The following SDF2L1 variants were observed in gnomAD, a reference collection of about 807,000 sequenced individuals.
SDF2L1 encodes stromal cell-derived factor 2-like protein 1.
Under a neutral mutation model 19.4 loss-of-function variants are expected in SDF2L1, and 18 were observed. The observed-to-expected ratio is 0.93, with a 90% CI of 0.64 to 1.38. SDF2L1 has a LOEUF of 1.38. SDF2L1 is among the 40% of genes most tolerant of loss of function. The pLI, the probability that SDF2L1 is intolerant of heterozygous loss-of-function variation, is 0.00. For missense variants in SDF2L1, 263 were observed against 319.4 expected, an observed-to-expected ratio of 0.82 and a Z score of 1.35; for synonymous variants, 161 against 148.9, an observed-to-expected ratio of 1.08 and a Z score of -0.59.
Position 21,642,974 on chromosome 22 carries a change from C to G in SDF2L1, c.300C>G (p.Cys100Trp). ...GCCCGCGCGGGTCCCCGGTGCGCTG[C>G]GGGCAGGCGGTGAGGCTCACGCATG... ...GGCPRGSPVR[C>W]GQAVRLTHVL... Residue 100 changes from cysteine (C) to tryptophan (W), a missense_variant, in exon 2 of 3, where the codon TGC becomes TGG. Physicochemically the swap from Cys to Trp is radical, Grantham distance 215. Transcript: ENST00000248958. 1 of 1,568,456 alleles carries G rather than the reference C, an allele frequency of 6.4e-7. No individual in the cohort carries two copies. Among genetic ancestry groups the G allele is most frequent in the Non-Finnish European group, 8.6e-7 (1 of 1,158,214 alleles).
Position 21,643,914 on chromosome 22 carries a change from AGACGGCGAGGGC to A in SDF2L1, c.410_421del (p.Gly137_Asp140del). On this transcript the variant is annotated inframe_deletion, in exon 3 of 3. Transcript: ENST00000248958. ...TATAGGAGGTGAGTGCCTTTGGGGAAGACGGCGAGGGCGACGACCTGGACCTATGGACAGTGC... is the reference window on the plus strand; with the variant it reads ...TATAGGAGGTGAGTGCCTTTGGGGAAGACGACCTGGACCTATGGACAGTGC... The A allele has an allele frequency of 1.9e-6, 3 of 1,613,264 alleles. No individual in the cohort carries two copies. Among genetic ancestry groups the A allele is most frequent in the Non-Finnish European group, 2.5e-6 (3 of 1,179,536 alleles).
chr22:21,644,032 G>T lies in SDF2L1; in HGVS notation c.523G>T (p.Gly175Cys). Residue 175 changes from glycine to cysteine, a missense_variant, in exon 3 of 3, where the codon GGT becomes TGT. Transcript: ENST00000248958. ...CACCTCTGTGTTCCTGTCAGTCACGGGTGAGCAGTATGGAAGCCCCATCCG... is the reference window on the plus strand; with the variant it reads ...CACCTCTGTGTTCCTGTCAGTCACGTGTGAGCAGTATGGAAGCCCCATCCG... Reference protein sequence around the residue: ...VGTSVFLSVTGEQYGSPIRGQ... With the variant: ...VGTSVFLSVTCEQYGSPIRGQ... The T allele has an allele frequency of 6.2e-7, 1 of 1,614,184 alleles. No homozygotes were observed. The highest frequency in any genetic ancestry group is 8.5e-7 in the Non-Finnish European group (1 of 1,180,034).
At position 21,642,304 on chromosome 22, in the gene SDF2L1, C is replaced by T. The variant is rs777474269; in HGVS notation, c.-33C>T. 341 of 1,308,646 alleles carry T rather than the reference C, an allele frequency of 2.6e-4. No individual in the cohort carries two copies. The highest frequency in any genetic ancestry group is 3.8e-4 in the Admixed American group (9 of 23,716). The allele number at this position is 1,308,646 out of a possible 1,614,324, so 81.1% of individuals were successfully genotyped here. ...GCCGCGGCGGGGACGGAAGCGGCCC[C>T]TGGGCCCGAGGGGCTGGAGCCGGGC... is the stretch of plus-strand genomic sequence containing the variant. On this transcript the variant is annotated 5_prime_UTR_variant, in exon 1 of 3. Coordinates refer to ENST00000248958, the MANE Select transcript of SDF2L1 (RefSeq NM_022044.3).
chr22:21,642,432 T>G lies in SDF2L1; in HGVS notation c.96T>G (p.Gly32=). The change falls in exon 1 of 3, where the codon GGT becomes GGG. Residue 32 remains glycine, a synonymous_variant. Transcript: ENST00000248958. ...CGGGCGGTGGTGCCGCCAAGACCGG[T>G]GCGGAGCTCGTGACCTGCGGGTCGG... The part of the protein sequence containing the change: ...LVPGGGAAKT[G]AELVTCGSVL... 6 of 1,474,734 alleles carry G rather than the reference T, an allele frequency of 4.1e-6. No homozygotes were observed. Among genetic ancestry groups the G allele is most frequent in the Non-Finnish European group, 5.3e-6 (6 of 1,122,204 alleles). 91.4% of individuals were successfully genotyped at this position (1,474,734 alleles called of 1,614,324 possible).
At position 21,642,974 on chromosome 22, in the gene SDF2L1, CGG is replaced by C; in HGVS notation, c.302_303del (p.Gly101AlafsTer56). 6.4e-7 allele frequency: 1 copy of C among 1,568,456 alleles called. No individual in the cohort carries two copies. The highest frequency in any genetic ancestry group is 8.6e-7 in the Non-Finnish European group (1 of 1,158,214). The stretch of plus-strand genomic sequence containing the variant: ...GCCCGCGCGGGTCCCCGGTGCGCTG[CGG>C]GCAGGCGGTGAGGCTCACGCATGTG... Reference protein sequence around the residue: ...GCPRGSPVRCGQAVRLTHVLT... With the variant: ...GCPRGSPVRCXQAVRLTHVLT... On this transcript the variant is annotated frameshift_variant, in exon 2 of 3. Transcript: ENST00000248958. LOFTEE classifies it high-confidence loss of function.
At chr22:21,643,790 G>A (rs2066099713) in intron 2 of SDF2L1, 104 bp from the exon 3 acceptor site, 3 of 1,218,550 alleles carry the variant, frequency 2.5e-6, no homozygotes. Context: ...AGCTGTGGGA[G>A]CTGAGGCTCC....
intron 2 of SDF2L1, chr22:21,643,288 G>T: frequency 1.7e-6 from 1 of 596,614 alleles, no homozygotes; most frequent in Non-Finnish European, 2.9e-6. Flanking sequence ...GGAGAGATAC[G>T]CCTGGATAGC....
Position 21,643,975 on chromosome 22 carries a change from C to A in SDF2L1, c.466C>A (p.Arg156Ser), listed in dbSNP as rs770913117. 2.5e-6 allele frequency: 4 copies of A among 1,614,116 alleles called. No homozygotes were observed. In the Admixed American group the frequency reaches 6.7e-5, roughly 27 times the overall value. The stretch of plus-strand genomic sequence containing the variant: ...GCGCTGCTCTGGACAGCACTGGGAG[C>A]GTGAGGCTGCTGTGCGCTTCCAGCA... ...TVRCSGQHWE[R>S]EAAVRFQHVG... Residue 156 changes from arginine to serine, a missense_variant, in exon 3 of 3, where the codon CGT becomes AGT. Arg to Ser is a moderately radical substitution (Grantham distance 110). Coordinates refer to ENST00000248958, the MANE Select transcript of SDF2L1 (RefSeq NM_022044.3).
At chr22:21,642,823 T>C (rs1452778264) in intron 1 of SDF2L1, 39 bp from the exon 2 acceptor site, 16 of 1,562,116 alleles carry the variant, frequency 1.0e-5, no homozygotes, top group Non-Finnish European at 1.2e-5. Context: ...GGTTCCGCGA[T>C]TGACGGAGAC....
intron 1 of SDF2L1, 70 bp downstream of exon 1, chr22:21,642,593 G>C: frequency 6.8e-7 from 1 of 1,476,644 alleles, no homozygotes; most frequent in Non-Finnish European, 9.0e-7. Flanking sequence ...GAGACAGGGT[G>C]GTCATGGGGG....
Position 21,642,929 on chromosome 22 carries a change from C to T in SDF2L1, c.255C>T (p.Arg85=). The change falls in exon 2 of 3, where the codon CGC becomes CGT. Residue 85 remains arginine (R), a synonymous_variant. Transcript: ENST00000248958. ...SDDANSYWRI[R]GGSEGGCPRG... Reference sequence around the variant, plus strand: ...ACGCCAATAGCTACTGGCGGATCCGCGGCGGCTCGGAGGGCGGGTGCCCGC... The same window carrying T: ...ACGCCAATAGCTACTGGCGGATCCGTGGCGGCTCGGAGGGCGGGTGCCCGC... The T allele has an allele frequency of 6.3e-7, 1 of 1,582,624 alleles. No homozygotes were observed. The highest frequency in any genetic ancestry group is 8.6e-7 in the Non-Finnish European group (1 of 1,166,398).
intron 2 of SDF2L1, 110 bp downstream of exon 2, chr22:21,643,168 A>C: frequency 7.5e-7 from 1 of 1,336,046 alleles, no homozygotes; most frequent in East Asian, 2.5e-5. Flanking sequence ...TGGAAATTTC[A>C]CTTCAGAGAT....
Position 21,644,106 on chromosome 22 carries a change from GTGGAAGGCCA to G in SDF2L1, c.606_615del (p.Met203SerfsTer51), listed in dbSNP as rs776963733. The G allele has an allele frequency of 1.9e-6, 3 of 1,614,170 alleles. No homozygotes were observed. In the African/African-American group the frequency reaches 4.0e-5, roughly 22 times the overall value. On this transcript the variant is annotated frameshift_variant, in exon 3 of 3. Coordinates refer to ENST00000248958, the MANE Select transcript of SDF2L1 (RefSeq NM_022044.3). LOFTEE classifies it high-confidence loss of function. ...TGCCCAGTGCCAACACGCACAATAC[GTGGAAGGCCA>G]TGGAAGGCATCTTCATCAAGCCTAG...
At chr22:21,643,253 A>C in intron 2 of SDF2L1, 195 bp downstream of exon 2, 6 of 656,502 alleles carry the variant, frequency 9.1e-6, no homozygotes, top group East Asian at 2.8e-5. Flanking sequence ...CCGGCCCGGC[A>C]GGGAGAACGA....
chr22:21,644,207 C>A lies in SDF2L1; in HGVS notation c.*32C>A, dbSNP rs1252041474. 6.2e-7 allele frequency: 1 copy of A among 1,605,152 alleles called. No individual in the cohort carries two copies. Among genetic ancestry groups the A allele is most frequent in the Non-Finnish European group, 8.5e-7 (1 of 1,173,250 alleles). ...GGATGGATGGGTGGATGGAGGGTGGCAGGTGGGGCGTCTGCAGGGCCACTC... is the reference window on the plus strand; with the variant it reads ...GGATGGATGGGTGGATGGAGGGTGGAAGGTGGGGCGTCTGCAGGGCCACTC... On this transcript the variant is annotated 3_prime_UTR_variant, in exon 3 of 3. Transcript: ENST00000248958.
At chr22:21,642,811 G>A (rs2066089987) in intron 1 of SDF2L1, 51 bp from the exon 2 acceptor site, 1 of 1,546,462 alleles carries the variant, frequency 6.5e-7, no homozygotes, top group African/African-American at 1.4e-5. Flanking sequence ...GCGAGGGTCC[G>A]GGGTTCCGCG....
At chr22:21,643,249 C>A in intron 2 of SDF2L1, 191 bp downstream of exon 2, 1 of 671,444 alleles carries the variant, frequency 1.5e-6, no homozygotes, top group Admixed American at 3.0e-5. Flanking sequence ...GCTCCCGGCC[C>A]GGCAGGGAGA....
At position 21,642,456 on chromosome 22, in the gene SDF2L1, G is replaced by C. The variant is rs1246225144; in HGVS notation, c.120G>C (p.Ser40=). The C allele has an allele frequency of 1.3e-6, 2 of 1,482,512 alleles. No individual in the cohort carries two copies. The highest frequency in any genetic ancestry group is 1.8e-6 in the Non-Finnish European group (2 of 1,125,298). 91.8% of individuals were successfully genotyped at this position (1,482,512 alleles called of 1,614,324 possible). Residue 40 remains serine, a synonymous_variant, in exon 1 of 3, where the codon TCG becomes TCC. Transcript: ENST00000248958. ...GTGCGGAGCTCGTGACCTGCGGGTC[G>C]GTGCTGAAGCTGCTCAATACGCACC... ...KTGAELVTCG[S]VLKLLNTHHR...
chr22:21,643,017 C>T lies in SDF2L1; in HGVS notation c.343C>T (p.Leu115=). The change falls in exon 2 of 3, where the codon CTG becomes TTG. Residue 115 remains leucine, a synonymous_variant. Coordinates refer to ENST00000248958, the MANE Select transcript of SDF2L1 (RefSeq NM_022044.3). The part of the protein sequence containing the change: ...RLTHVLTGKN[L]HTHHFPSPLS... ...CACGCATGTGCTTACGGGCAAGAAC[C>T]TGCACACGCACCACTTCCCGTCGCC... 2 of 1,561,972 alleles carry T rather than the reference C, an allele frequency of 1.3e-6. No individual in the cohort carries two copies. Among genetic ancestry groups the T allele is most frequent in the Non-Finnish European group, 1.7e-6 (2 of 1,154,008 alleles).
Sources: allele counts gnomAD v4.1 joint callset, GRCh38; gene constraint gnomAD v4.1.1; transcripts MANE v1.5; gene names NCBI Gene and HGNC (gene_info 2026-07-23, HGNC 2026-07-21).